The following ADAMTSL1 variants were observed in gnomAD, a reference collection of about 807,000 sequenced individuals.
The protein encoded by ADAMTSL1 is ADAMTS-like protein 1.
A neutral mutation model predicts 201.8 loss-of-function variants in ADAMTSL1; 126 were observed. That is an observed-to-expected ratio of 0.62 (90% confidence interval 0.54 to 0.72). The LOEUF is 0.72. Among genes scored for constraint, ADAMTSL1 ranks in the 30% least tolerant of loss-of-function variants. The pLI, the probability that ADAMTSL1 is intolerant of heterozygous loss-of-function variation, is 0.00. For synonymous variants in ADAMTSL1, 1,121 were observed against 903.4 expected (o/e 1.24, Z -4.32); for missense variants, 2,679 against 2,277.8 (o/e 1.18, Z -3.59).
At chr9:18,749,716 G>A (rs970622376) in intron 15 of ADAMTSL1, among the ~76,000 whole-genome samples, 5 of 152,232 alleles carry the variant, frequency 3.3e-5, no homozygotes, top group African/African-American at 1.2e-4. Context: ...GAGAAGTAGG[G>A]AAGAGTCTCT....
At chr9:18,310,238 A>G (rs1327324610) in intron 2 of ADAMTSL1, among the ~76,000 whole-genome samples, 5 of 151,992 alleles carry the variant, frequency 3.3e-5, no homozygotes, top group Non-Finnish European at 7.4e-5. Flanking sequence ...AAAATCCTAG[A>G]AGAAAACCTA....
intron 16 of ADAMTSL1, among the ~76,000 whole-genome samples, chr9:18,759,343 TGA>T (rs2133649938): frequency 6.6e-6 from 1 of 152,344 alleles, no homozygotes; most frequent in South Asian, 2.1e-4. Context: ...TATAAATGCC[TGA>T]GAATTAAAGT....
At chr9:18,419,497 A>G (rs998605486) in intron 2 of ADAMTSL1, among the ~76,000 whole-genome samples, 2 of 152,172 alleles carry the variant, frequency 1.3e-5, no homozygotes, top group Admixed American at 6.5e-5. Flanking sequence ...AAACCTGTAC[A>G]TGAATATTTA....
chr9:18,312,235 C>T (rs946793011), intron 2 of ADAMTSL1, among the ~76,000 whole-genome samples: 6 of 152,136 alleles, frequency 3.9e-5, no homozygotes, highest in African/African-American at 1.4e-4. Flanking sequence ...ACTAGTTTAT[C>T]ATCTAGAGGG....
chr9:18,791,128 G>A (rs1822009864), intron 19 of ADAMTSL1, among the ~76,000 whole-genome samples: 2 of 152,186 alleles, frequency 1.3e-5, no homozygotes, highest in African/African-American at 2.4e-5. Context: ...GAAATACAAA[G>A]AAAATGTTTT....
At chr9:18,724,716 A>G (rs1308722926) in intron 15 of ADAMTSL1, among the ~76,000 whole-genome samples, 1 of 152,162 alleles carries the variant, frequency 6.6e-6, no homozygotes, top group Non-Finnish European at 1.5e-5. Context: ...AATGAGTATG[A>G]AGGACCAGGG....
intron 2 of ADAMTSL1, among the ~76,000 whole-genome samples, chr9:18,308,281 G>T (rs1016091407): frequency 2.0e-5 from 3 of 152,056 alleles, no homozygotes; most frequent in Admixed American, 1.3e-4. Context: ...ACAATTAAAA[G>T]AGCTAGAGAA....
At chr9:18,807,999 C>G (rs886450613) in intron 20 of ADAMTSL1, among the ~76,000 whole-genome samples, 1 of 152,086 alleles carries the variant, frequency 6.6e-6, no homozygotes, top group Admixed American at 6.6e-5. Context: ...GGTGATCAAC[C>G]AGGTGATCTA....
intron 1 of ADAMTSL1, among the ~76,000 whole-genome samples, chr9:17,985,238 G>C (rs894994091): frequency 6.6e-6 from 1 of 152,030 alleles, no homozygotes; most frequent in Non-Finnish European, 1.5e-5. Context: ...ATTTTGAATA[G>C]AATGATGTAA....
At chr9:18,707,179 C>G in intron 14 of ADAMTSL1, 131 bp downstream of exon 14, 1 of 1,183,928 alleles carries the variant, frequency 8.4e-7, no homozygotes, top group Non-Finnish European at 1.2e-6. Flanking sequence ...GGCAGCCATT[C>G]TAAATGTAAA....
At chr9:17,933,559 C>T (rs1375416982) in intron 1 of ADAMTSL1, among the ~76,000 whole-genome samples, 1 of 151,974 alleles carries the variant, frequency 6.6e-6, no homozygotes, top group Non-Finnish European at 1.5e-5. Flanking sequence ...AAAGAAATGC[C>T]CAAGACTGAG....
chr9:18,801,134 C>T (rs1822772308), intron 20 of ADAMTSL1, among the ~76,000 whole-genome samples: 1 of 152,096 alleles, frequency 6.6e-6, no homozygotes, highest in Non-Finnish European at 1.5e-5. Flanking sequence ...GAAGGCGTGC[C>T]AACTAAACAG....
rs191524331 is a variant in ADAMTSL1, at chr9:18,835,086, C to A, written c.4249+5109C>A. On this transcript the variant is annotated intron_variant, in intron 23 of 28. Transcript: ENST00000380548. ...TTGTACTACTTTACATTCCCGCCAGCAGTGTAAGAAAGTTCTGAGTTCTCC... is the reference window on the plus strand; with the variant it reads ...TTGTACTACTTTACATTCCCGCCAGAAGTGTAAGAAAGTTCTGAGTTCTCC... 1.4e-3 allele frequency among the ~76,000 whole-genome samples: 210 copies of A among 152,282 alleles called. 2 individuals carry two copies. Among genetic ancestry groups the A allele is most frequent in the South Asian group, 2.1e-3 (10 of 4,830 alleles).
chr9:18,853,365 A>G (rs1362303072), intron 23 of ADAMTSL1, among the ~76,000 whole-genome samples: 1 of 152,150 alleles, frequency 6.6e-6, no homozygotes, highest in South Asian at 2.1e-4. Flanking sequence ...GGGTTTTTCA[A>G]GGATAGTTTG....
intron 1 of ADAMTSL1, among the ~76,000 whole-genome samples, chr9:18,008,398 A>C (rs759211200): frequency 6.6e-6 from 1 of 151,892 alleles, no homozygotes; most frequent in Admixed American, 6.6e-5. Flanking sequence ...ATAACAAACA[A>C]ACTTTTTTAC....
At chr9:18,869,992 T>C (rs960068314) in intron 23 of ADAMTSL1, among the ~76,000 whole-genome samples, 1 of 152,188 alleles carries the variant, frequency 6.6e-6, no homozygotes, top group African/African-American at 2.4e-5. Flanking sequence ...ACTTCAAGTT[T>C]ACTGACACTC....
At chr9:18,007,567 T>G (rs559967658) in intron 1 of ADAMTSL1, among the ~76,000 whole-genome samples, 2 of 152,092 alleles carry the variant, frequency 1.3e-5, no homozygotes, top group South Asian at 4.1e-4. Context: ...TCACCTTATT[T>G]GTAAAGCGAG....
intron 7 of ADAMTSL1, among the ~76,000 whole-genome samples, chr9:18,655,872 C>G (rs557471978): frequency 1.8e-4 from 26 of 140,650 alleles, no homozygotes; most frequent in Admixed American, 1.1e-3. Flanking sequence ...TACTACATCC[C>G]TAAGCAAGCA....
At chr9:18,280,432 T>C (rs1039115041) in intron 2 of ADAMTSL1, among the ~76,000 whole-genome samples, 3 of 152,146 alleles carry the variant, frequency 2.0e-5, no homozygotes, top group African/African-American at 7.2e-5. Context: ...AACTTTCTTT[T>C]TAATCCTACT....
Sources: gnomAD v4.1 joint callset for allele counts (sites outside exome capture counted in the v4.1 genomes callset) on GRCh38, gnomAD v4.1.1 for gene constraint, MANE v1.5 for transcripts, NCBI Gene and HGNC (gene_info 2026-07-23, HGNC 2026-07-21) for gene names.